Variants in SPON1 observed in about 807,000 individuals in gnomAD.
SPON1 encodes the protein spondin-1.
In SPON1, 52 loss-of-function variants were observed where a neutral mutation model predicts 111.7. The observed-to-expected ratio is 0.47, with a 90% confidence interval of 0.37 to 0.59. SPON1 has a LOEUF of 0.59. Among genes scored for constraint, SPON1 ranks in the 20% least tolerant of loss-of-function variants. The probability of loss-of-function intolerance (pLI) is 0.00; values close to 1 mark genes in which losing one functional copy is unlikely to be tolerated. For missense variants in SPON1, 957 were observed against 1,068.5 expected, an observed-to-expected ratio of 0.90 and a Z score of 1.46; for synonymous variants, 410 against 395.8, an observed-to-expected ratio of 1.04 and a Z score of -0.43.
intron 5 of SPON1, among the ~76,000 whole-genome samples, chr11:14,086,255 C>A (rs1265716865): frequency 6.6e-6 from 1 of 151,982 alleles, no homozygotes; most frequent in Non-Finnish European, 1.5e-5. Flanking sequence ...CAGCTTTTGC[C>A]CATTCAATAT....
At chr11:14,000,116 C>T (rs1239580707) in intron 2 of SPON1, among the ~76,000 whole-genome samples, 4 of 152,072 alleles carry the variant, frequency 2.6e-5, no homozygotes, top group South Asian at 2.1e-4. Flanking sequence ...ATCTTTTATC[C>T]GCCATGGTTG....
At position 14,119,804 on chromosome 11, in the gene SPON1, T is replaced by C. The variant is rs146368783; in HGVS notation, c.677-15616T>C. 4.5e-3 allele frequency among the ~76,000 whole-genome samples: 681 copies of C among 152,254 alleles called. 1 individual carries two copies. The highest frequency in any genetic ancestry group is 6.4e-3 in the Non-Finnish European group (434 of 68,018). On this transcript the variant is annotated intron_variant, in intron 5 of 15. Transcript: ENST00000576479. ...GTGACAGAAAGGACTACCTGCACAG[T>C]TGGTTCTTATATTTAGCAGTACACA...
At chr11:14,191,683 A>G (rs7480396) in intron 6 of SPON1, among the ~76,000 whole-genome samples, 61,471 of 152,070 alleles carry the variant, frequency 0.4, 12,637 homozygotes, top group East Asian at 0.55. Context: ...TTTAAAAGTT[A>G]AGAAAACAGC....
chr11:14,137,817 A>C (rs1292480932), intron 6 of SPON1, among the ~76,000 whole-genome samples: 1 of 152,116 alleles, frequency 6.6e-6, no homozygotes, highest in African/African-American at 2.4e-5. Flanking sequence ...CCCCACAGAG[A>C]AATTCCTCTT....
Position 14,262,811 on chromosome 11 carries a change from C to T in SPON1, c.2096C>T (p.Pro699Leu). 6.2e-7 allele frequency: 1 copy of T among 1,613,892 alleles called. No homozygotes were observed. The highest frequency in any genetic ancestry group is 8.5e-7 in the Non-Finnish European group (1 of 1,179,880). ...VIRTRMIQME[P>L]QFGGAPCPET... is the part of the protein sequence containing the mutation. ...CGAACCCGGATGATCCAAATGGAGC[C>T]TCAGTTTGGAGGTGCACCCTGCCCA... Residue 699 changes from proline (P) to leucine (L), a missense_variant, in exon 15 of 16, where the codon CCT (proline) becomes CTT (leucine). This residue lies in a region of SPON1 where 549 missense variants were observed against 606.2 expected (regional missense o/e 0.91). Transcript: ENST00000576479.
chr11:14,050,310 A>G (rs563876392), intron 3 of SPON1, among the ~76,000 whole-genome samples: 5 of 152,272 alleles, frequency 3.3e-5, no homozygotes, highest in Non-Finnish European at 5.9e-5. Flanking sequence ...TTGTGGTCAT[A>G]ATGTAGGTCA....
chr11:14,096,624 C>G (rs1300843146), intron 5 of SPON1, among the ~76,000 whole-genome samples: 2 of 152,182 alleles, frequency 1.3e-5, no homozygotes, highest in Non-Finnish European at 2.9e-5. Flanking sequence ...CAGCTTCTGC[C>G]CAGCCACCCT....
intron 2 of SPON1, among the ~76,000 whole-genome samples, chr11:14,036,491 A>G (rs1349750712): frequency 6.6e-6 from 1 of 152,176 alleles, no homozygotes; most frequent in East Asian, 1.9e-4. Context: ...AGGTTAGAGG[A>G]AAGACGGTTA....
At chr11:14,028,103 C>A (rs1465836159) in intron 2 of SPON1, among the ~76,000 whole-genome samples, 1 of 152,120 alleles carries the variant, frequency 6.6e-6, no homozygotes, top group Non-Finnish European at 1.5e-5. Flanking sequence ...ACTTGCTAGT[C>A]CCAGTTTCTG....
At chr11:14,230,792 T>TCCTTTC (rs1554938620) in intron 6 of SPON1, among the ~76,000 whole-genome samples, 3 of 147,462 alleles carry the variant, frequency 2.0e-5, no homozygotes, top group African/African-American at 7.9e-5. Context: ...TCCTTCATTT[T>TCCTTTC]TTCGTGGTGG....
At chr11:14,233,321 A>G (rs375516972) in intron 6 of SPON1, among the ~76,000 whole-genome samples, 14 of 152,172 alleles carry the variant, frequency 9.2e-5, no homozygotes, top group East Asian at 7.7e-4. Flanking sequence ...CCCTGGCCCT[A>G]TGTCGCCAGA....
intron 6 of SPON1, among the ~76,000 whole-genome samples, chr11:14,177,287 G>T (rs7483560): frequency 0.16 from 24,804 of 152,070 alleles, 2,123 homozygotes; most frequent in Admixed American, 0.22. Context: ...TGATCTGCTT[G>T]CCTTGGCCTC....
chr11:14,064,346 G>A (rs543083292), intron 3 of SPON1, among the ~76,000 whole-genome samples: 1 of 152,364 alleles, frequency 6.6e-6, no homozygotes, highest in African/African-American at 2.4e-5. Flanking sequence ...GTCTGGTGGA[G>A]GGACAGGTCA....
At chr11:14,218,213 C>T (rs1292032126) in intron 6 of SPON1, among the ~76,000 whole-genome samples, 1 of 152,170 alleles carries the variant, frequency 6.6e-6, no homozygotes, top group Non-Finnish European at 1.5e-5. Context: ...CCATTCCTTA[C>T]AAGGAGATAG....
chr11:14,239,333 G>T (rs1848898653), intron 6 of SPON1, among the ~76,000 whole-genome samples: 1 of 152,186 alleles, frequency 6.6e-6, no homozygotes, highest in African/African-American at 2.4e-5. Flanking sequence ...CACATTACAT[G>T]AGTTGTCATT....
At chr11:14,254,303 A>G (rs1420397570) in intron 7 of SPON1, among the ~76,000 whole-genome samples, 1 of 152,140 alleles carries the variant, frequency 6.6e-6, no homozygotes, top group East Asian at 1.9e-4. Context: ...AAAAAGAGAA[A>G]CTGGATAGGG....
At chr11:14,012,422 A>G (rs1479826874) in intron 2 of SPON1, among the ~76,000 whole-genome samples, 2 of 152,058 alleles carry the variant, frequency 1.3e-5, no homozygotes, top group Admixed American at 6.6e-5. Flanking sequence ...TACATTGGAG[A>G]ACCAGATTAA....
chr11:14,153,423 A>C (rs545895088), intron 6 of SPON1, among the ~76,000 whole-genome samples: 1 of 152,290 alleles, frequency 6.6e-6, no homozygotes, highest in East Asian at 1.9e-4. Context: ...AGCATGTCCT[A>C]TAAGGCTGGA....
chr11:14,087,354 C>T (rs1314613075), intron 5 of SPON1, among the ~76,000 whole-genome samples: 2 of 151,960 alleles, frequency 1.3e-5, no homozygotes, highest in Non-Finnish European at 2.9e-5. Context: ...CTCTTTATTC[C>T]CATTGGTTTC....
Sources: allele counts gnomAD v4.1 joint callset (sites outside exome capture counted in the v4.1 genomes callset), GRCh38; gene constraint gnomAD v4.1.1; regional missense constraint gnomAD v4.1.1; transcripts MANE v1.5; gene names NCBI Gene and HGNC (gene_info 2026-07-23, HGNC 2026-07-21).